The following TRIM16 variants were observed in gnomAD, a reference collection of about 807,000 sequenced individuals.
TRIM16 encodes tripartite motif containing 16, also known as tripartite motif-containing protein 16.
TRIM16 carries 33 observed loss-of-function variants against 50.4 expected under a neutral mutation model. That is an observed-to-expected ratio of 0.65 (90% CI 0.50 to 0.88). The LOEUF is 0.88. Ranked by LOEUF, TRIM16 falls within the 40% of genes least tolerant of loss-of-function variation. TRIM16 has a pLI of 0.00. For missense variants in TRIM16, 581 were observed against 686.8 expected, an observed-to-expected ratio of 0.85 and a Z score of 1.72; for synonymous variants, 229 against 270.7, an observed-to-expected ratio of 0.85 and a Z score of 1.51.
chr17:15,682,009 G>A (rs989743444), intron 3 of TRIM16, among the ~76,000 whole-genome samples: 1 of 152,128 alleles, frequency 6.6e-6, no homozygotes, highest in African/African-American at 2.4e-5. Context: ...CTGGCACTGT[G>A]TAACCATAGC....
chr17:15,646,002 T>G (rs1987358880), intron 7 of TRIM16, among the ~76,000 whole-genome samples: 2 of 152,034 alleles, frequency 1.3e-5, no homozygotes, highest in South Asian at 2.1e-4. Flanking sequence ...GGAAGACACA[T>G]CAGAACACAC....
At chr17:15,635,203 C>G (rs1399431385) in intron 9 of TRIM16, among the ~76,000 whole-genome samples, 1 of 146,356 alleles carries the variant, frequency 6.8e-6, no homozygotes, top group East Asian at 2.1e-4. Context: ...TTGGATGGAG[C>G]CTTCTGAATT....
rs1253175581 is a variant in TRIM16 at position 15,651,411 on chromosome 17, C to G, written c.199G>C (p.Asp67His). ...ACCTCTTTCCCCTCACCAGCAGGAT[C>G]CCCCTGCTCTGCAGAGTCGCTGTCC... is the stretch of plus-strand genomic sequence containing the variant. ...EQDSDSAEQGDPAGEGKEVLC... is the reference protein window; with the variant it reads ...EQDSDSAEQGHPAGEGKEVLC... Residue 67 changes from aspartate (D) to histidine (H), a missense_variant, in exon 7 of 12, where the codon GAT (aspartate) becomes CAT (histidine). This residue lies in a region of TRIM16 where 450 missense variants were observed against 544.3 expected (regional missense o/e 0.83). Transcript: ENST00000649191. 6.2e-6 allele frequency: 10 copies of G among 1,613,972 alleles called. No homozygotes were observed. The highest frequency in any genetic ancestry group is 1.7e-5 in the Admixed American group (1 of 60,006).
intron 6 of TRIM16, among the ~76,000 whole-genome samples, chr17:15,660,079 A>G (rs7222483): frequency 0.4 from 60,490 of 152,128 alleles, 14,052 homozygotes; most frequent in African/African-American, 0.65. Context: ...TACTAGTGAG[A>G]TATAGCCCTT....
At chr17:15,684,027 A>C (rs1989281522) in intron 1 of TRIM16, 169 bp downstream of exon 1, 1 of 152,214 alleles carries the variant, frequency 6.6e-6, no homozygotes, top group Non-Finnish European at 1.5e-5. Context: ...CCCCACTCCC[A>C]CACACACAAA....
At chr17:15,676,537 G>A (rs906528316) in intron 6 of TRIM16, among the ~76,000 whole-genome samples, 1 of 149,400 alleles carries the variant, frequency 6.7e-6, no homozygotes, top group Non-Finnish European at 1.5e-5. Context: ...TGGGGTTCAC[G>A]CCATTCTCCT....
chr17:15,649,850 G>A (rs1567677405), intron 7 of TRIM16, among the ~76,000 whole-genome samples: 1 of 152,268 alleles, frequency 6.6e-6, no homozygotes, highest in East Asian at 1.9e-4. Flanking sequence ...GATTGGGTGA[G>A]AAAATCCACA....
intron 4 of TRIM16, among the ~76,000 whole-genome samples, chr17:15,680,165 C>A (rs1243606522): frequency 1.3e-5 from 2 of 152,066 alleles, no homozygotes; most frequent in East Asian, 1.9e-4. Flanking sequence ...TTTCAGGGCC[C>A]ACATCAAATC....
intron 4 of TRIM16, among the ~76,000 whole-genome samples, chr17:15,678,945 G>C (rs188799267): frequency 7.8e-4 from 114 of 147,056 alleles, no homozygotes; most frequent in African/African-American, 2.8e-3. Flanking sequence ...CGATGCTCTC[G>C]GCTTACCGCA....
chr17:15,642,033 A>G (rs560178502), intron 8 of TRIM16, among the ~76,000 whole-genome samples: 8,386 of 147,414 alleles, frequency 0.057, 1,038 homozygotes, highest in African/African-American at 0.19. Context: ...TAGTAGAGTC[A>G]GGGTTTCACC....
intron 6 of TRIM16, among the ~76,000 whole-genome samples, chr17:15,652,907 C>T (rs941740799): frequency 1.3e-5 from 2 of 152,184 alleles, no homozygotes; most frequent in Non-Finnish European, 2.9e-5. Context: ...CCACAGAATG[C>T]TCCCTTCAGG....
chr17:15,676,503 C>T (rs7223846), intron 6 of TRIM16, among the ~76,000 whole-genome samples: 67,530 of 148,870 alleles, frequency 0.45, 16,039 homozygotes, highest in South Asian at 0.54. Flanking sequence ...GGCATGATCT[C>T]GGCTCGCTGC....
intron 7 of TRIM16, among the ~76,000 whole-genome samples, chr17:15,644,832 T>C (rs1250557378): frequency 6.6e-6 from 1 of 151,748 alleles, no homozygotes; most frequent in Non-Finnish European, 1.5e-5. Context: ...TGTTTGTTTT[T>C]TGAGATGGAG....
chr17:15,660,180 ATAAG>A (rs1988160388), intron 6 of TRIM16, among the ~76,000 whole-genome samples: 1 of 152,186 alleles, frequency 6.6e-6, no homozygotes, highest in Non-Finnish European at 1.5e-5. Context: ...TTTTTAAACA[ATAAG>A]TAAGGACCAC....
At chr17:15,647,587 GTGCAGTAAT>G (rs1987458200) in intron 7 of TRIM16, among the ~76,000 whole-genome samples, 1 of 151,810 alleles carries the variant, frequency 6.6e-6, no homozygotes, top group African/African-American at 2.4e-5. Context: ...GGTTCCAAAG[GTGCAGTAAT>G]TGCACCGTGC....
intron 6 of TRIM16, among the ~76,000 whole-genome samples, chr17:15,668,627 GCTTTTGCACATGAAAACACA>G (rs148934148): frequency 0.017 from 2,595 of 151,896 alleles, 68 homozygotes; most frequent in African/African-American, 0.06. Flanking sequence ...CTGTCTCTAG[GCTTTTGCACATGAAAACACA>G]CTTTTGCACA....
chr17:15,667,731 C>T, intron 6 of TRIM16, among the ~76,000 whole-genome samples: 1 of 152,162 alleles, frequency 6.6e-6, no homozygotes, highest in Non-Finnish European at 1.5e-5. Flanking sequence ...ATACCCCACA[C>T]CCAATAGGGG....
chr17:15,638,909 C>T (rs1986982685), intron 8 of TRIM16, among the ~76,000 whole-genome samples: 1 of 146,874 alleles, frequency 6.8e-6, no homozygotes, highest in Non-Finnish European at 1.5e-5. Context: ...CAGCAATTCA[C>T]TCCACGAGAA....
At chr17:15,675,865 T>G (rs929811528) in intron 6 of TRIM16, among the ~76,000 whole-genome samples, 1 of 149,030 alleles carries the variant, frequency 6.7e-6, no homozygotes, top group African/African-American at 2.4e-5. Context: ...CATATATATA[T>G]ACTTTTTTTT....
Sources: allele counts gnomAD v4.1 joint callset (sites outside exome capture counted in the v4.1 genomes callset), GRCh38; gene constraint gnomAD v4.1.1; regional missense constraint gnomAD v4.1.1; transcripts MANE v1.5; gene names NCBI Gene and HGNC (gene_info 2026-07-23, HGNC 2026-07-21).